The following ADGRV1 variants were observed in gnomAD, a reference collection of about 807,000 sequenced individuals.
ADGRV1 encodes the protein adhesion G protein-coupled receptor V1.
A neutral mutation model predicts 596.2 loss-of-function variants in ADGRV1; 359 were observed. The observed-to-expected ratio is 0.60, with a 90% confidence interval of 0.55 to 0.66. The LOEUF is 0.66. ADGRV1 is among the 30% of genes least tolerant of loss of function. The pLI is 0.00. For synonymous variants in ADGRV1, 2,681 were observed against 2,679.2 expected, an observed-to-expected ratio of 1.00 and a Z score of -0.02; for missense variants, 7,274 against 7,575.6, an observed-to-expected ratio of 0.96 and a Z score of 1.48.
chr5:90,809,889 A>G (rs777523699), intron 73 of ADGRV1, among the ~76,000 whole-genome samples: 3 of 152,224 alleles, frequency 2.0e-5, no homozygotes, highest in Non-Finnish European at 2.9e-5. Flanking sequence ...GGTCCAGAAC[A>G]TTGTAGTAAT....
chr5:90,759,451 T>C lies in ADGRV1; in HGVS notation c.11983T>C (p.Phe3995Leu). The C allele has an allele frequency of 6.3e-7, 1 of 1,588,202 alleles. No individual in the cohort carries two copies. The highest frequency in any genetic ancestry group is 8.6e-7 in the Non-Finnish European group (1 of 1,165,774). Residue 3995 changes from phenylalanine to leucine, a missense_variant, in exon 58 of 90, where the codon TTT becomes CTT. Phe to Leu is a conservative substitution (Grantham distance 22). Transcript: ENST00000405460. ...IEITIIDDAE[F>L]ELTETFNISL... is the part of the protein sequence containing the mutation. The stretch of plus-strand genomic sequence containing the variant: ...AATCACCATAATTGATGATGCTGAA[T>C]TTGAATTGACAGAGACGTTCAATAT...
intron 83 of ADGRV1, among the ~76,000 whole-genome samples, chr5:90,891,802 C>T (rs1391862299): frequency 2.0e-5 from 3 of 151,888 alleles, no homozygotes; most frequent in Non-Finnish European, 2.9e-5. Flanking sequence ...AACCCGCCTG[C>T]TATCATTGCT....
chr5:90,809,454 T>C (rs1334380252), intron 73 of ADGRV1, among the ~76,000 whole-genome samples: 1 of 152,174 alleles, frequency 6.6e-6, no homozygotes. Flanking sequence ...TTAATATATG[T>C]TGGGGCCATG....
rs1749486357 is a variant in ADGRV1, at chr5:90,712,426, T to G, written c.9182T>G (p.Ile3061Arg). ...GGACTAGAGCTAGGGAAAAATACAA[T>G]AGGTAATTAATAATTTCTTATAAAC... ...SPGLELGKNT[I>R]ALIIVLANDD... is the part of the protein sequence containing the mutation. The change falls in exon 42 of 90, where the codon ATA (isoleucine) becomes AGA (arginine). Residue 3061 changes from isoleucine to arginine, a missense_variant and splice_region_variant. Transcript: ENST00000405460. 5.1e-6 allele frequency: 8 copies of G among 1,582,496 alleles called. No individual in the cohort carries two copies. The highest frequency in any genetic ancestry group is 6.0e-6 in the Non-Finnish European group (7 of 1,161,586).
rs1274689327 is a variant in ADGRV1 at position 90,840,953 on chromosome 5, C to G, written c.16987C>G (p.Gln5663Glu). ...MKVATENTDE[Q>E]LSAMMHLIEK... Reference sequence around the variant, plus strand: ...AGTGGCCACAGAAAACACAGATGAACAACTCAGTGCCATGATGCATTTAAT... The same window carrying G: ...AGTGGCCACAGAAAACACAGATGAAGAACTCAGTGCCATGATGCATTTAAT... The change falls in exon 78 of 90, where the codon CAA (glutamine) becomes GAA (glutamate). Residue 5663 changes from glutamine to glutamate, a missense_variant. By Grantham distance (29) the Gln-to-Glu change is conservative. Transcript: ENST00000405460. The G allele has an allele frequency of 6.9e-7, 1 of 1,454,408 alleles. No individual in the cohort carries two copies. The highest frequency in any genetic ancestry group is 9.1e-7 in the Non-Finnish European group (1 of 1,098,876). 90.1% of individuals were successfully genotyped at this position (1,454,408 alleles called of 1,614,324 possible).
chr5:90,822,652 C>T (rs545012545), intron 75 of ADGRV1, among the ~76,000 whole-genome samples: 1 of 152,170 alleles, frequency 6.6e-6, no homozygotes, highest in East Asian at 1.9e-4. Flanking sequence ...GTAGTTTTTT[C>T]CAATTCTGTG....
chr5:90,657,783 C>A, intron 20 of ADGRV1, 122 bp from the exon 21 acceptor site: 1 of 1,012,320 alleles, frequency 9.9e-7, no homozygotes, highest in East Asian at 2.5e-5. Flanking sequence ...ACTAGTTATG[C>A]AAAAGTTTCA....
Position 90,674,241 on chromosome 5 carries a change from T to C in ADGRV1, c.5110+7T>C. Reference sequence around the variant, plus strand: ...GCTAGTGATCATCCATATGGTAACCTGCTCCTTTTGCAAGAAAAATCCTCT... The same window carrying C: ...GCTAGTGATCATCCATATGGTAACCCGCTCCTTTTGCAAGAAAAATCCTCT... On this transcript the variant is annotated splice_region_variant and intron_variant, in intron 23 of 89. Coordinates refer to ENST00000405460, the MANE Select transcript of ADGRV1 (RefSeq NM_032119.4). 6.4e-7 allele frequency: 1 copy of C among 1,554,782 alleles called. No individual in the cohort carries two copies. The highest frequency in any genetic ancestry group is 8.7e-7 in the Non-Finnish European group (1 of 1,152,668).
In ADGRV1 at chr5:90,786,305, C is replaced by T. The variant is rs563578653; in HGVS notation, c.13654-1766C>T. On this transcript the variant is annotated intron_variant, in intron 67 of 89. Transcript: ENST00000405460. Reference sequence around the variant, plus strand: ...TAGGAGAAATACCTAATGTAAATGACGAGTTGATGGGTGCAGCAAACCAAC... The same window carrying T: ...TAGGAGAAATACCTAATGTAAATGATGAGTTGATGGGTGCAGCAAACCAAC... 1.6e-4 allele frequency among the ~76,000 whole-genome samples: 25 copies of T among 152,156 alleles called. No homozygotes were observed. The South Asian group carries it at 3.9e-3, about 24-fold the overall frequency.
chr5:90,847,405 A>G (rs1396577400), intron 78 of ADGRV1, among the ~76,000 whole-genome samples: 3 of 152,320 alleles, frequency 2.0e-5, no homozygotes, highest in Non-Finnish European at 2.9e-5. Flanking sequence ...TCCCTTAGCT[A>G]GACATATTCT....
intron 84 of ADGRV1, among the ~76,000 whole-genome samples, chr5:90,974,836 C>T (rs554281708): frequency 4.0e-4 from 61 of 152,198 alleles, no homozygotes; most frequent in Middle Eastern, 3.4e-3. Context: ...CAACCAAAGC[C>T]GAAATTGACA....
intron 83 of ADGRV1, among the ~76,000 whole-genome samples, chr5:90,946,169 T>A (rs1450668459): frequency 6.6e-6 from 1 of 151,974 alleles, no homozygotes; most frequent in Non-Finnish European, 1.5e-5. Context: ...GCAAAGAATC[T>A]AAAACAAGAA....
chr5:91,053,941 G>C (rs148738262), intron 85 of ADGRV1, among the ~76,000 whole-genome samples: 3 of 152,296 alleles, frequency 2.0e-5, no homozygotes, highest in African/African-American at 7.2e-5. Context: ...ATAATGAATA[G>C]CAGTCATGTA....
chr5:91,145,288 G>C (rs1461307013), intron 87 of ADGRV1, among the ~76,000 whole-genome samples: 1 of 152,228 alleles, frequency 6.6e-6, no homozygotes, highest in African/African-American at 2.4e-5. Context: ...AAACAAACAA[G>C]AGGGAGAATA....
At chr5:90,795,713 C>T (rs1445574909) in intron 70 of ADGRV1, among the ~76,000 whole-genome samples, 1 of 152,196 alleles carries the variant, frequency 6.6e-6, no homozygotes, top group Non-Finnish European at 1.5e-5. Context: ...GAGACACCTC[C>T]CAGTACAGGC....
At chr5:90,673,464 A>C (rs1467998239) in intron 22 of ADGRV1, among the ~76,000 whole-genome samples, 1 of 152,186 alleles carries the variant, frequency 6.6e-6, no homozygotes, top group African/African-American at 2.4e-5. Flanking sequence ...ACTGCTCAGC[A>C]CCTGCCTTAG....
At chr5:90,662,048 A>G (rs982599342) in intron 21 of ADGRV1, among the ~76,000 whole-genome samples, 15 of 152,284 alleles carry the variant, frequency 9.9e-5, no homozygotes, top group Admixed American at 8.5e-4. Flanking sequence ...AAGCTGAATT[A>G]GAAAACCTTT....
intron 76 of ADGRV1, among the ~76,000 whole-genome samples, chr5:90,824,134 A>G (rs1763863721): frequency 6.6e-6 from 1 of 152,212 alleles, no homozygotes; most frequent in Admixed American, 6.5e-5. Context: ...GTATCACTAT[A>G]AATTCAAATT....
At chr5:90,681,272 A>G (rs760090579) in intron 26 of ADGRV1, 43 bp from the exon 27 acceptor site, 35 of 1,595,766 alleles carry the variant, frequency 2.2e-5, no homozygotes, top group Non-Finnish European at 2.8e-5. Context: ...TAAATTACTG[A>G]TCATCATTTT....
Sources: gnomAD v4.1 joint callset for allele counts (sites outside exome capture counted in the v4.1 genomes callset) on GRCh38, gnomAD v4.1.1 for gene constraint, MANE v1.5 for transcripts, NCBI Gene and HGNC (gene_info 2026-07-23, HGNC 2026-07-21) for gene names.